SH3GL3: variants seen among roughly 807,000 people sequenced by gnomAD.
SH3GL3 encodes endophilin-A3.
In SH3GL3, 33 loss-of-function variants were observed where a neutral mutation model predicts 47.7. The ratio of observed to expected loss-of-function variants is 0.69; its 90% CI spans 0.52 to 0.92. The LOEUF (loss-of-function observed/expected upper bound fraction) is 0.92. Ranked by LOEUF, SH3GL3 falls within the 40% of genes least tolerant of loss-of-function variation. The pLI is 0.00. For synonymous variants in SH3GL3, 155 were observed against 148.8 expected, an observed-to-expected ratio of 1.04 and a Z score of -0.30; for missense variants, 363 against 417.8, an observed-to-expected ratio of 0.87 and a Z score of 1.14.
At chr15:83,567,971 T>C (rs559512006) in intron 3 of SH3GL3, among the ~76,000 whole-genome samples, 1 of 151,376 alleles carries the variant, frequency 6.6e-6, no homozygotes, top group African/African-American at 2.4e-5. Flanking sequence ...TTTTTTTTCT[T>C]TCTTTCTTTC....
intron 1 of SH3GL3, among the ~76,000 whole-genome samples, chr15:83,536,850 A>G (rs996668637): frequency 6.6e-6 from 1 of 152,222 alleles, no homozygotes; most frequent in African/African-American, 2.4e-5. Context: ...TGAAAACTTT[A>G]AAAAGTTCCC....
chr15:83,495,610 A>G (rs1286700904), intron 1 of SH3GL3, among the ~76,000 whole-genome samples: 1 of 152,056 alleles, frequency 6.6e-6, no homozygotes, highest in African/African-American at 2.4e-5. Context: ...GGTGATGCAC[A>G]CCTGAAGTCC....
chr15:83,624,481 A>C, the SH3GL3 span, among the ~76,000 whole-genome samples: 1 of 152,224 alleles, frequency 6.6e-6, no homozygotes, highest in East Asian at 1.9e-4. Context: ...ACAAGAGACG[A>C]GCTAACGGGG....
intron 1 of SH3GL3, among the ~76,000 whole-genome samples, chr15:83,517,495 C>T (rs2043034858): frequency 6.6e-6 from 1 of 152,090 alleles, no homozygotes; most frequent in Admixed American, 6.5e-5. Flanking sequence ...CGTGAGCCAC[C>T]ATGCCTGGCC....
At chr15:83,519,212 G>A (rs1292899389) in intron 1 of SH3GL3, among the ~76,000 whole-genome samples, 1 of 152,160 alleles carries the variant, frequency 6.6e-6, no homozygotes, top group African/African-American at 2.4e-5. Flanking sequence ...GAAAAATGAT[G>A]TTGCTAGTTT....
rs564991202 is a variant in SH3GL3 at position 83,484,999 on chromosome 15, G to A, written c.45+37421G>A. Among the ~76,000 whole-genome samples, 4 of 152,220 alleles carry A rather than the reference G, an allele frequency of 2.6e-5. No homozygotes were observed. In the East Asian group the frequency reaches 5.8e-4, roughly 22 times the overall value. On this transcript the variant is annotated intron_variant, in intron 1 of 8. Transcript: ENST00000427482. ...TATCTTCCAAAACCTCCTGTTGGGGGTAAATATTGAGGCCATCCTGATTTG... is the reference window on the plus strand; with the variant it reads ...TATCTTCCAAAACCTCCTGTTGGGGATAAATATTGAGGCCATCCTGATTTG...
chr15:83,613,461 T>TTG (rs1433032624), intron 8 of SH3GL3, among the ~76,000 whole-genome samples: 2 of 152,142 alleles, frequency 1.3e-5, no homozygotes, highest in Non-Finnish European at 2.9e-5. Flanking sequence ...CCATGATTTG[T>TTG]TCTGTGTGTG....
At chr15:83,457,009 A>T (rs2040022771) in intron 1 of SH3GL3, among the ~76,000 whole-genome samples, 1 of 152,216 alleles carries the variant, frequency 6.6e-6, no homozygotes, top group South Asian at 2.1e-4. Context: ...CACCAATAAA[A>T]ATATAGCTTA....
intron 1 of SH3GL3, among the ~76,000 whole-genome samples, chr15:83,490,016 G>T (rs1447011005): frequency 1.3e-5 from 2 of 152,182 alleles, no homozygotes; most frequent in Non-Finnish European, 2.9e-5. Context: ...TGTCTCTGTG[G>T]CCTGGGCATT....
intron 1 of SH3GL3, among the ~76,000 whole-genome samples, chr15:83,548,535 T>A (rs1209315696): frequency 1.3e-5 from 2 of 152,114 alleles, no homozygotes; most frequent in East Asian, 1.9e-4. Context: ...ATTTCTTTGA[T>A]GTTGCCTGTT....
the SH3GL3 span, among the ~76,000 whole-genome samples, chr15:83,628,540 C>T: frequency 4.8e-3 from 736 of 152,084 alleles, 5 homozygotes; most frequent in African/African-American, 0.017. Flanking sequence ...GTCAGGAGTC[C>T]GAGACCAGCC....
chr15:83,629,859 C>T, the SH3GL3 span, among the ~76,000 whole-genome samples: 4 of 152,034 alleles, frequency 2.6e-5, no homozygotes, highest in Non-Finnish European at 5.9e-5. Flanking sequence ...TAGACCTAGA[C>T]ATACAGGCTA....
At chr15:83,570,379 A>G (rs931876322) in intron 4 of SH3GL3, among the ~76,000 whole-genome samples, 1 of 152,164 alleles carries the variant, frequency 6.6e-6, no homozygotes, top group African/African-American at 2.4e-5. Context: ...TCAGTGTCAT[A>G]TTGTTTTAAG....
chr15:83,627,164 G>A, the SH3GL3 span, among the ~76,000 whole-genome samples: 3 of 152,098 alleles, frequency 2.0e-5, no homozygotes, highest in African/African-American at 7.2e-5. Flanking sequence ...TTGGGAGGCC[G>A]AGGCGGGCGG....
At chr15:83,469,141 T>C (rs2040716641) in intron 1 of SH3GL3, among the ~76,000 whole-genome samples, 1 of 152,162 alleles carries the variant, frequency 6.6e-6, no homozygotes. Flanking sequence ...ATTCCCTTAT[T>C]ATTGTTTTGT....
intron 1 of SH3GL3, chr15:83,490,628 C>A: frequency 1.5e-6 from 1 of 682,188 alleles, no homozygotes; most frequent in Non-Finnish European, 2.3e-6. Flanking sequence ...CAGCCTGGCA[C>A]AGTATATGAC....
At chr15:83,617,967 G>A in intron 8 of SH3GL3, 115 bp from the exon 9 acceptor site, 2 of 709,764 alleles carry the variant, frequency 2.8e-6, no homozygotes, top group Non-Finnish European at 4.9e-6. Flanking sequence ...TGGCCTTGTG[G>A]GAAGGAAGCA....
intron 1 of SH3GL3, among the ~76,000 whole-genome samples, chr15:83,505,303 GC>G (rs1394793576): frequency 6.6e-6 from 1 of 151,796 alleles, no homozygotes; most frequent in African/African-American, 2.4e-5. Flanking sequence ...CTAGATAATG[GC>G]CAAACCTCAT....
At chr15:83,523,503 G>A (rs531609391) in intron 1 of SH3GL3, among the ~76,000 whole-genome samples, 3 of 152,256 alleles carry the variant, frequency 2.0e-5, no homozygotes, top group Non-Finnish European at 4.4e-5. Flanking sequence ...AGGCAGAGGT[G>A]GGGAAATCCC....
Sources: allele counts gnomAD v4.1 joint callset (sites outside exome capture counted in the v4.1 genomes callset), GRCh38; gene constraint gnomAD v4.1.1; transcripts MANE v1.5; gene names NCBI Gene and HGNC (gene_info 2026-07-23, HGNC 2026-07-21).